Variants in FLT1 observed in about 807,000 individuals in gnomAD.
The protein encoded by FLT1 is fms related receptor tyrosine kinase 1.
In FLT1, 49 loss-of-function variants were observed where a neutral mutation model predicts 156.3. The observed-to-expected ratio is 0.31, with a 90% CI of 0.25 to 0.40. The LOEUF (loss-of-function observed/expected upper bound fraction) is 0.40. FLT1 is among the 10% of genes least tolerant of loss of function. FLT1 has a pLI of 1.00. For synonymous variants in FLT1, 594 were observed against 583.8 expected (o/e 1.02, Z -0.25); for missense variants, 1,322 against 1,637.2 (o/e 0.81, Z 3.32).
At position 28,301,704 on chromosome 13, in the gene FLT1, G is replaced by C. The variant is rs1870523980; in HGVS notation, c.*1463C>G. Reference sequence around the variant, plus strand: ...AATAGCATCAAACAGAGCCAGCTTAGCGATCCAAGGCCCACTTGATCTTTA... The same window carrying C: ...AATAGCATCAAACAGAGCCAGCTTACCGATCCAAGGCCCACTTGATCTTTA... On this transcript the variant is annotated 3_prime_UTR_variant, in exon 30 of 30. Transcript: ENST00000282397. 1 of 233,178 alleles carries C rather than the reference G, an allele frequency of 4.3e-6. No homozygotes were observed. Among genetic ancestry groups the C allele is most frequent in the Admixed American group, 5.6e-5 (1 of 17,766 alleles). The allele number at this position is 233,178 out of a possible 1,614,324, so 14.4% of individuals were successfully genotyped here.
rs140450407 is a variant in FLT1, at chr13:28,323,808, T to C, written c.2797-862A>G. The stretch of plus-strand genomic sequence containing the variant: ...GCTTGGTGCTTCACTCTGTAATCCC[T>C]AGGAGGAGTTATAAGAGAAGGCTAT... On this transcript the variant is annotated intron_variant, in intron 20 of 29. Coordinates refer to ENST00000282397, the MANE Select transcript of FLT1 (RefSeq NM_002019.4). 1.9e-3 allele frequency among the ~76,000 whole-genome samples: 287 copies of C among 152,198 alleles called. 1 individual carries two copies. Among genetic ancestry groups the C allele is most frequent in the African/African-American group, 6.7e-3 (279 of 41,520 alleles).
intron 10 of FLT1, among the ~76,000 whole-genome samples, chr13:28,419,721 T>G (rs540160396): frequency 6.6e-6 from 1 of 152,258 alleles, no homozygotes; most frequent in South Asian, 2.1e-4. Flanking sequence ...CTACTAAAAT[T>G]ACAAAAAATT....
intron 15 of FLT1, among the ~76,000 whole-genome samples, chr13:28,352,790 A>C (rs1224894898): frequency 6.6e-6 from 1 of 152,178 alleles, no homozygotes; most frequent in Non-Finnish European, 1.5e-5. Flanking sequence ...TTAGTTTATC[A>C]CATCCTTTCT....
intron 19 of FLT1, among the ~76,000 whole-genome samples, chr13:28,328,872 C>A (rs186014435): frequency 1.3e-5 from 2 of 152,178 alleles, no homozygotes; most frequent in Non-Finnish European, 2.9e-5. Flanking sequence ...AAACGTTATC[C>A]GGGGATGATG....
Position 28,386,076 on chromosome 13 carries a change from T to C in FLT1, c.1970-1045A>G. 2.8e-6 allele frequency: 3 copies of C among 1,055,172 alleles called. No homozygotes were observed. In the South Asian group the frequency reaches 1.4e-4, roughly 48 times the overall value. 65.4% of individuals were successfully genotyped at this position (1,055,172 alleles called of 1,614,324 possible). A position where few individuals can be genotyped will look rare whatever the true frequency, so the allele number is the denominator to read the frequency against. On this transcript the variant is annotated intron_variant, in intron 13 of 29. Coordinates refer to ENST00000282397, the MANE Select transcript of FLT1 (RefSeq NM_002019.4). ...AACTGACACGTTCTCTGTCACTGTC[T>C]TCAATTATACAGTATGAGCTTTCTC...
At chr13:28,416,893 G>C (rs1442248930) in intron 10 of FLT1, among the ~76,000 whole-genome samples, 1 of 152,194 alleles carries the variant, frequency 6.6e-6, no homozygotes, top group Non-Finnish European at 1.5e-5. Flanking sequence ...AAGGCAAATG[G>C]AACATTAAAG....
rs1316199301 is a variant in FLT1 at position 28,333,204 on chromosome 13, A to T, written c.2593+821T>A. Reference sequence around the variant, plus strand: ...CTGTACTAGGTACCCGTGTAGTTGGACTCACAGCTTGCTGGGCTTCAAAAT... The same window carrying T: ...CTGTACTAGGTACCCGTGTAGTTGGTCTCACAGCTTGCTGGGCTTCAAAAT... On this transcript the variant is annotated intron_variant, in intron 18 of 29. Transcript: ENST00000282397. Among the ~76,000 whole-genome samples the T allele has an allele frequency of 2.0e-5, 3 of 152,120 alleles. No individual in the cohort carries two copies. In the East Asian group the frequency reaches 5.8e-4, roughly 29 times the overall value.
At chr13:28,397,205 G>A in intron 11 of FLT1, 137 bp from the exon 12 acceptor site, 1 of 668,300 alleles carries the variant, frequency 1.5e-6, no homozygotes, top group East Asian at 2.7e-5. Flanking sequence ...GTGGTTACCA[G>A]AAGGCTCTCC....
rs1246465391 is a variant in FLT1 at position 28,319,486 on chromosome 13, T to C, written c.3223A>G (p.Ile1075Val). 2 of 1,613,994 alleles carry C rather than the reference T, an allele frequency of 1.2e-6. No individual in the cohort carries two copies. The highest frequency in any genetic ancestry group is 1.7e-6 in the Non-Finnish European group (2 of 1,180,000). Reference protein sequence around the residue: ...WMAPESIFDKIYSTKSDVWSY... With the variant: ...WMAPESIFDKVYSTKSDVWSY... ...CACACGTCGCTCTTGGTGCTGTAGATTTTGTCAAAGATAGATTCAGGAGCC... is the reference window on the plus strand; with the variant it reads ...CACACGTCGCTCTTGGTGCTGTAGACTTTGTCAAAGATAGATTCAGGAGCC... Residue 1075 changes from isoleucine to valine, a missense_variant, in exon 24 of 30, where the codon ATC (isoleucine) becomes GTC (valine). This residue lies in a region of FLT1 where 329 missense variants were observed against 366.2 expected (regional missense o/e 0.90). Transcript: ENST00000282397.
chr13:28,460,828 A>G (rs976186400), intron 3 of FLT1, among the ~76,000 whole-genome samples: 1 of 150,454 alleles, frequency 6.6e-6, no homozygotes, highest in African/African-American at 2.5e-5. Flanking sequence ...ACACACACAC[A>G]CGCACGTATG....
In FLT1 at chr13:28,339,317, T is replaced by C; in HGVS notation, c.2356-17A>G. ...AGAAGAAGACTGAGAAATAAAGAGA[T>C]CTCAAAGTCATCGAGAAGAAAACAA... On this transcript the variant is annotated splice_polypyrimidine_tract_variant and intron_variant, in intron 16 of 29. Transcript: ENST00000282397. 1 of 1,612,014 alleles carries C rather than the reference T, an allele frequency of 6.2e-7. No individual in the cohort carries two copies. Among genetic ancestry groups the C allele is most frequent in the Non-Finnish European group, 8.5e-7 (1 of 1,178,960 alleles).
chr13:28,301,590 A>C lies in FLT1; in HGVS notation c.*1577T>G, dbSNP rs1232831292. 13 of 233,388 alleles carry C rather than the reference A, an allele frequency of 5.6e-5. No individual in the cohort carries two copies. In the Middle Eastern group the frequency reaches 3.8e-3, roughly 69 times the overall value. The allele number at this position is 233,388 out of a possible 1,614,324, so 14.5% of individuals were successfully genotyped here. On this transcript the variant is annotated 3_prime_UTR_variant, in exon 30 of 30. Transcript: ENST00000282397. Reference sequence around the variant, plus strand: ...TAAAAGGAAGCATACTCTTCTCCCCAAGAAGCAGCAATCCACTGTTGCCTC... The same window carrying C: ...TAAAAGGAAGCATACTCTTCTCCCCCAGAAGCAGCAATCCACTGTTGCCTC...
chr13:28,423,552 T>G (rs1877138788), intron 10 of FLT1, among the ~76,000 whole-genome samples: 1 of 152,248 alleles, frequency 6.6e-6, no homozygotes, highest in Admixed American at 6.5e-5. Flanking sequence ...TTAAGTTCAT[T>G]AAAGGTTCTC....
intron 23 of FLT1, among the ~76,000 whole-genome samples, chr13:28,320,312 T>A (rs992916932): frequency 1.3e-5 from 2 of 152,182 alleles, no homozygotes; most frequent in Non-Finnish European, 1.5e-5. Context: ...CCTTTATTTT[T>A]ATTTTTTTAT....
chr13:28,482,225 G>A (rs905486969), intron 1 of FLT1, among the ~76,000 whole-genome samples: 3 of 152,132 alleles, frequency 2.0e-5, no homozygotes, highest in Non-Finnish European at 2.9e-5. Flanking sequence ...AGGCCAAGGC[G>A]GGTGGGAGTT....
At chr13:28,410,302 C>A (rs186401837) in intron 10 of FLT1, among the ~76,000 whole-genome samples, 1 of 152,274 alleles carries the variant, frequency 6.6e-6, no homozygotes, top group East Asian at 1.9e-4. Context: ...GCTGGGTGAG[C>A]GTTAGCTACT....
At chr13:28,376,175 C>T (rs1023516078) in intron 14 of FLT1, among the ~76,000 whole-genome samples, 1 of 152,138 alleles carries the variant, frequency 6.6e-6, no homozygotes, top group Non-Finnish European at 1.5e-5. Context: ...CAGATGCAGA[C>T]ATTTGGTGTC....
intron 14 of FLT1, among the ~76,000 whole-genome samples, chr13:28,370,553 AAC>A (rs1377138696): frequency 6.6e-6 from 1 of 152,214 alleles, no homozygotes; most frequent in African/African-American, 2.4e-5. Flanking sequence ...CGGTGCCAAA[AAC>A]ACACGTATTT....
intron 18 of FLT1, among the ~76,000 whole-genome samples, chr13:28,331,179 A>T (rs937114086): frequency 2.0e-5 from 3 of 152,262 alleles, no homozygotes; most frequent in Non-Finnish European, 4.4e-5. Flanking sequence ...GGTTAGAGGT[A>T]TGTGCATTTA....
Sources: allele counts gnomAD v4.1 joint callset (sites outside exome capture counted in the v4.1 genomes callset), GRCh38; gene constraint gnomAD v4.1.1; regional missense constraint gnomAD v4.1.1; transcripts MANE v1.5; gene names NCBI Gene and HGNC (gene_info 2026-07-23, HGNC 2026-07-21).